The following ENC1 variants were observed in gnomAD, a reference collection of about 807,000 sequenced individuals.
The protein encoded by ENC1 is ectoderm-neural cortex protein 1.
A neutral mutation model predicts 40.9 loss-of-function variants in ENC1; 19 were observed. The observed-to-expected ratio is 0.46, with a 90% CI of 0.32 to 0.68. ENC1 has a LOEUF of 0.68. Ranked by LOEUF, ENC1 falls within the 30% of genes least tolerant of loss-of-function variation. The pLI, the probability that ENC1 is intolerant of heterozygous loss-of-function variation, is 0.03. For missense variants in ENC1, 479 were observed against 737.5 expected, an observed-to-expected ratio of 0.65 and a Z score of 4.06; for synonymous variants, 285 against 291.1, an observed-to-expected ratio of 0.98 and a Z score of 0.21.
rs543847381 is a variant in ENC1 at position 74,635,676 on chromosome 5, G to A, written c.810C>T (p.Ile270=). 31 of 1,614,178 alleles carry A rather than the reference G, an allele frequency of 1.9e-5. No homozygotes were observed. In the East Asian group the frequency reaches 6.9e-4, roughly 36 times the overall value. Residue 270 remains isoleucine, a synonymous_variant, in exon 2 of 3, where the codon ATC becomes ATT. Transcript: ENST00000302351. The surrounding 1 kb of genome is among the most constrained non-coding windows in gnomAD (Gnocchi z 5.5). ...RKSKEIVEEA[I]RCKLKILQND... is the part of the protein sequence containing the mutation. ...TCTGCAGGATTTTCAGTTTGCACCT[G>A]ATGGCCTCTTCCACAATTTCCTTAC... is the stretch of plus-strand genomic sequence containing the variant.
Position 74,634,881 on chromosome 5 carries a change from G to GTT in ENC1, c.1604_1605insAA (p.Ser536ThrfsTer28). 1 of 1,614,188 alleles carries GTT rather than the reference G, an allele frequency of 6.2e-7. No homozygotes were observed. Among genetic ancestry groups the GTT allele is most frequent in the Non-Finnish European group, 8.5e-7 (1 of 1,180,036 alleles). ...CAACCACGTAGAGTTTGTTTCCAGAGGCCACAGCATGGCAGCTCATGCGCT... is the reference window on the plus strand; with the variant it reads ...CAACCACGTAGAGTTTGTTTCCAGAGTTGCCACAGCATGGCAGCTCATGCGCT... On this transcript the variant is annotated frameshift_variant, in exon 2 of 3. Coordinates refer to ENST00000302351, the MANE Select transcript of ENC1 (RefSeq NM_003633.4). LOFTEE classifies it high-confidence loss of function.
chr5:74,630,147 T>A (rs1467224450), intron 2 of ENC1, among the ~76,000 whole-genome samples, 155 bp from the exon 3 acceptor site: 2 of 152,240 alleles, frequency 1.3e-5, no homozygotes, highest in Non-Finnish European at 2.9e-5. Flanking sequence ...AGGTCTTACA[T>A]GTTCAGTAGG....
chr5:74,632,409 G>A (rs1012114429), intron 2 of ENC1: 3 of 152,268 alleles, frequency 2.0e-5, no homozygotes, highest in Admixed American at 1.3e-4. Flanking sequence ...CCAGTTTGGT[G>A]TGAGACACTA....
At chr5:74,633,033 A>T (rs934651406) in intron 2 of ENC1, among the ~76,000 whole-genome samples, 2 of 152,206 alleles carry the variant, frequency 1.3e-5, no homozygotes, top group African/African-American at 4.8e-5. Context: ...GGTGTGAAAC[A>T]TACTAGGGAA....
chr5:74,636,330 G>A lies in ENC1; in HGVS notation c.156C>T (p.Ala52=), dbSNP rs148178379. 171 of 1,614,128 alleles carry A rather than the reference G, an allele frequency of 1.1e-4. No individual in the cohort carries two copies. The highest frequency in any genetic ancestry group is 1.3e-4 in the Non-Finnish European group (157 of 1,180,030). The change falls in exon 2 of 3, where the codon GCC becomes GCT. Residue 52 remains alanine (A), a synonymous_variant. Coordinates refer to ENST00000302351, the MANE Select transcript of ENC1 (RefSeq NM_003633.4). The surrounding 1 kb of genome is among the most constrained non-coding windows in gnomAD (Gnocchi z 4.8). ...QRLFTDVLLH[A]GNRTFPCHRA... ...GGTGGCAAGGGAAGGTCCTATTTCC[G>A]GCATGGAGAAGGACGTCAGTGAAGA...
chr5:74,635,898 G>A lies in ENC1; in HGVS notation c.588C>T (p.Leu196=). ...CTGTCTCCAGCTCTTCACTGGACAA[G>A]AGTTGCACTACCATGTCCTGGGGCA... is the stretch of plus-strand genomic sequence containing the variant. ...LQLPQDMVVQ[L]LSSEELETED... The change falls in exon 2 of 3, where the codon CTC becomes CTT. Residue 196 remains leucine (L), a synonymous_variant. Coordinates refer to ENST00000302351, the MANE Select transcript of ENC1 (RefSeq NM_003633.4). The surrounding 1 kb of genome is among the most constrained non-coding windows in gnomAD (Gnocchi z 5.5). The A allele has an allele frequency of 6.2e-7, 1 of 1,614,008 alleles. No individual in the cohort carries two copies. Among genetic ancestry groups the A allele is most frequent in the Non-Finnish European group, 8.5e-7 (1 of 1,179,998 alleles).
In ENC1 at chr5:74,635,046, C is replaced by A; in HGVS notation, c.1440G>T (p.Gln480His). The change falls in exon 2 of 3, where the codon CAG becomes CAT. Residue 480 changes from glutamine to histidine, a missense_variant. Gln to His is a conservative substitution (Grantham distance 24). Transcript: ENST00000302351. The surrounding 1 kb of genome is among the most constrained non-coding windows in gnomAD (Gnocchi z 5.5). ...NRWTVPATCP[Q>H]PWRYTAAAVL... ...CAGCTGCTGCTGTGTAACGCCAGGG[C>A]TGGGGACAGGTGGCCGGTACAGTCC... The A allele has an allele frequency of 6.2e-7, 1 of 1,614,222 alleles. No homozygotes were observed. Among genetic ancestry groups the A allele is most frequent in the Middle Eastern group, 1.6e-4 (1 of 6,062 alleles).
rs1273062412 is a variant in ENC1 at position 74,636,933 on chromosome 5, T to C, written c.-13-435A>G. 2.0e-5 allele frequency among the ~76,000 whole-genome samples: 3 copies of C among 152,308 alleles called. No homozygotes were observed. The highest frequency in any genetic ancestry group is 7.2e-5 in the African/African-American group (3 of 41,562). On this transcript the variant is annotated intron_variant, in intron 1 of 2. Coordinates refer to ENST00000302351, the MANE Select transcript of ENC1 (RefSeq NM_003633.4). This position sits in a 1 kb window ranked among gnomAD's most constrained non-coding sequence, Gnocchi z 4.8. ...GTCTCCTGCTCTTATAATGCCAGGA[T>C]GGGCACTGGCTTTCATGCCCCATGC...
chr5:74,640,672 G>C lies in ENC1; in HGVS notation c.-379C>G, dbSNP rs1021565834. Reference sequence around the variant, plus strand: ...CCGGCGGCCGCCAGGCGTCTGGACCGGGTCTCCGCAGCGCCACCGCCGCAC... The same window carrying C: ...CCGGCGGCCGCCAGGCGTCTGGACCCGGTCTCCGCAGCGCCACCGCCGCAC... On this transcript the variant is annotated 5_prime_UTR_variant, in exon 1 of 3. Coordinates refer to ENST00000302351, the MANE Select transcript of ENC1 (RefSeq NM_003633.4). The C allele has an allele frequency of 6.6e-6, 1 of 152,448 alleles. No individual in the cohort carries two copies. Among genetic ancestry groups the C allele is most frequent in the African/African-American group, 2.4e-5 (1 of 41,436 alleles). 9.4% of individuals were successfully genotyped at this position (152,448 alleles called of 1,614,324 possible).
chr5:74,633,926 C>T (rs895590641), intron 2 of ENC1, among the ~76,000 whole-genome samples: 3 of 152,118 alleles, frequency 2.0e-5, no homozygotes, highest in South Asian at 2.1e-4. Flanking sequence ...TGAGATGATC[C>T]GTGGGAAACA....
rs562177367 is a variant in ENC1 at position 74,629,091 on chromosome 5, G to A, written c.*934C>T. ...AAAAGTTGGTGAGTCTGAGAAAAGC[G>A]ATCTCCACGGTTTCTCTACCTCTAG... On this transcript the variant is annotated 3_prime_UTR_variant, in exon 3 of 3. Transcript: ENST00000302351. The A allele has an allele frequency of 4.6e-5, 7 of 152,236 alleles. No homozygotes were observed. The highest frequency in any genetic ancestry group is 3.3e-4 in the Admixed American group (5 of 15,292). 9.4% of individuals were successfully genotyped at this position (152,236 alleles called of 1,614,324 possible). A position where few individuals can be genotyped will look rare whatever the true frequency, so the allele number is the denominator to read the frequency against.
chr5:74,640,612 C>G lies in ENC1; in HGVS notation c.-319G>C, dbSNP rs1747826955. Reference sequence around the variant, plus strand: ...GCGCCGCGGAAGGAGGCGGGCTGTGCGCTCGGGGGAGGGAGCTAGAAAGCG... The same window carrying G: ...GCGCCGCGGAAGGAGGCGGGCTGTGGGCTCGGGGGAGGGAGCTAGAAAGCG... On this transcript the variant is annotated 5_prime_UTR_variant, in exon 1 of 3. Coordinates refer to ENST00000302351, the MANE Select transcript of ENC1 (RefSeq NM_003633.4). The G allele has an allele frequency of 6.6e-6, 1 of 152,422 alleles. No individual in the cohort carries two copies. Among genetic ancestry groups the G allele is most frequent in the South Asian group, 2.1e-4 (1 of 4,838 alleles). 9.4% of individuals were successfully genotyped at this position (152,422 alleles called of 1,614,324 possible).
chr5:74,639,516 C>A (rs1401906487), intron 1 of ENC1, among the ~76,000 whole-genome samples: 1 of 152,206 alleles, frequency 6.6e-6, no homozygotes, highest in Non-Finnish European at 1.5e-5. Context: ...GCACCCTTCT[C>A]CAGGTTTTGA....
In ENC1 at chr5:74,635,423, A is replaced by C; in HGVS notation, c.1063T>G (p.Ser355Ala). ...TGGRGSENGV[S>A]KDVWVYDTLH... ...GTATCATAAACCCAGACATCTTTTGAGACCCCATTTTCAGACCCCCGCCCC... is the reference window on the plus strand; with the variant it reads ...GTATCATAAACCCAGACATCTTTTGCGACCCCATTTTCAGACCCCCGCCCC... Residue 355 changes from serine to alanine, a missense_variant, in exon 2 of 3, where the codon TCA becomes GCA. Transcript: ENST00000302351. This position sits in a 1 kb window ranked among gnomAD's most constrained non-coding sequence, Gnocchi z 5.5. 2.5e-6 allele frequency: 4 copies of C among 1,614,094 alleles called. No homozygotes were observed. The highest frequency in any genetic ancestry group is 2.5e-6 in the Non-Finnish European group (3 of 1,179,996).
chr5:74,635,216 A>T lies in ENC1; in HGVS notation c.1270T>A (p.Trp424Arg). 6.2e-7 allele frequency: 1 copy of T among 1,614,138 alleles called. No individual in the cohort carries two copies. Among genetic ancestry groups the T allele is most frequent in the Admixed American group, 1.7e-5 (1 of 60,024 alleles). The change falls in exon 2 of 3, where the codon TGG becomes AGG. Residue 424 changes from tryptophan to arginine, a missense_variant. Physicochemically the swap from Trp to Arg is moderately radical, Grantham distance 101. Transcript: ENST00000302351. The surrounding 1 kb of genome is among the most constrained non-coding windows in gnomAD (Gnocchi z 5.5). ...VEHYDPTINK[W>R]TMVAPLREGV... ...TCTCGGAGTGGGGCCACCATGGTCC[A>T]TTTGTTGATTGTGGGGTCATAATGT...
rs1747608229 is a variant in ENC1 at position 74,636,655 on chromosome 5, C to T, written c.-13-157G>A. On this transcript the variant is annotated intron_variant, in intron 1 of 2. Coordinates refer to ENST00000302351, the MANE Select transcript of ENC1 (RefSeq NM_003633.4). The surrounding 1 kb of genome is among the most constrained non-coding windows in gnomAD (Gnocchi z 4.8). ...AGTGTATGGCCATTCCAGGACAAAG[C>T]CAGAGACAACTACCCGGAAGGAAGG... 6.6e-6 allele frequency among the ~76,000 whole-genome samples: 1 copy of T among 151,870 alleles called. No homozygotes were observed. The highest frequency in any genetic ancestry group is 2.1e-4 in the South Asian group (1 of 4,818).
chr5:74,639,258 C>G (rs1038289494), intron 1 of ENC1, among the ~76,000 whole-genome samples: 2 of 152,232 alleles, frequency 1.3e-5, no homozygotes, highest in Non-Finnish European at 1.5e-5. Flanking sequence ...ACCATGTATA[C>G]AAGTCACTGA....
chr5:74,639,929 C>T (rs910590217), intron 1 of ENC1: 7 of 152,322 alleles, frequency 4.6e-5, no homozygotes, highest in African/African-American at 7.2e-5. Context: ...GGCCAACCAT[C>T]CCGCGCGCTC....
At chr5:74,637,176 T>C (rs1020168444) in intron 1 of ENC1, among the ~76,000 whole-genome samples, 1 of 152,188 alleles carries the variant, frequency 6.6e-6, no homozygotes, top group African/African-American at 2.4e-5. Context: ...AGTGCAGTGG[T>C]GCAATCACAG....
Sources: gnomAD v4.1 joint callset for allele counts (sites outside exome capture counted in the v4.1 genomes callset) on GRCh38, gnomAD v4.1.1 for gene constraint, Gnocchi (gnomAD v3.1) non-coding constraint, MANE v1.5 for transcripts, NCBI Gene and HGNC (gene_info 2026-07-23, HGNC 2026-07-21) for gene names.